The following ADARB2 variants were observed in gnomAD, a reference collection of about 807,000 sequenced individuals.
ADARB2 encodes adenosine deaminase RNA specific B2 (inactive).
A neutral mutation model predicts 62.2 loss-of-function variants in ADARB2; 25 were observed. The ratio of observed to expected loss-of-function variants is 0.40; its 90% CI spans 0.29 to 0.56. The LOEUF is 0.56. Ranked by LOEUF, ADARB2 falls within the 20% of genes least tolerant of loss-of-function variation. The pLI, the probability that ADARB2 is intolerant of heterozygous loss-of-function variation, is 0.43. For missense variants in ADARB2, 1,071 were observed against 1,077.4 expected (o/e 0.99, Z 0.08); for synonymous variants, 572 against 500.8 (o/e 1.14, Z -1.90).
chr10:1,339,993 C>G (rs978234654), intron 3 of ADARB2, among the ~76,000 whole-genome samples: 5 of 152,110 alleles, frequency 3.3e-5, no homozygotes, highest in Non-Finnish European at 7.4e-5. Flanking sequence ...ACATGCCACA[C>G]CTGTGATTAT....
intron 1 of ADARB2, among the ~76,000 whole-genome samples, chr10:1,577,735 G>A (rs1320320237): frequency 6.6e-6 from 1 of 152,226 alleles, no homozygotes; most frequent in Non-Finnish European, 1.5e-5. Context: ...TGCTGCATGT[G>A]AGCTGTGTCC....
intron 1 of ADARB2, among the ~76,000 whole-genome samples, chr10:1,508,868 G>A (rs1045513010): frequency 1.3e-5 from 2 of 152,232 alleles, no homozygotes; most frequent in Non-Finnish European, 2.9e-5. Context: ...TTGGAAGGCT[G>A]CAGAGCTCCT....
chr10:1,207,075 G>A (rs1043839573), intron 7 of ADARB2, among the ~76,000 whole-genome samples: 17 of 152,292 alleles, frequency 1.1e-4, no homozygotes, highest in African/African-American at 3.6e-4. Context: ...GGCCGGGCGC[G>A]GTGGCTCACC....
intron 1 of ADARB2, among the ~76,000 whole-genome samples, chr10:1,470,446 G>A (rs570636875): frequency 4.5e-4 from 68 of 152,254 alleles, no homozygotes; most frequent in African/African-American, 1.3e-3. Flanking sequence ...CCACGAAATC[G>A]CTGAAAATGT....
chr10:1,244,888 C>T (rs536526277), intron 4 of ADARB2, among the ~76,000 whole-genome samples: 10 of 152,298 alleles, frequency 6.6e-5, no homozygotes, highest in Non-Finnish European at 1.3e-4. Context: ...TCTGCGTATT[C>T]TACGGGCCGT....
chr10:1,650,086 T>C (rs552095575), intron 1 of ADARB2, among the ~76,000 whole-genome samples: 1 of 152,324 alleles, frequency 6.6e-6, no homozygotes, highest in South Asian at 2.1e-4. Context: ...GCTCTTGCTG[T>C]TGTTCCCCAT....
At chr10:1,733,079 G>A (rs939087050) in intron 1 of ADARB2, among the ~76,000 whole-genome samples, 2 of 152,166 alleles carry the variant, frequency 1.3e-5, no homozygotes, top group East Asian at 1.9e-4. Flanking sequence ...GCCTCAAAGA[G>A]GTGTCCTGTG....
At chr10:1,360,188 G>A (rs914186601) in intron 3 of ADARB2, among the ~76,000 whole-genome samples, 7 of 152,258 alleles carry the variant, frequency 4.6e-5, no homozygotes. Flanking sequence ...AGACTGCATC[G>A]TCCCAGCAGG....
chr10:1,229,647 C>T (rs974158350), intron 6 of ADARB2, among the ~76,000 whole-genome samples: 11 of 21,752 alleles, frequency 5.1e-4, no homozygotes, highest in African/African-American at 9.7e-4. Flanking sequence ...AGATACGTGT[C>T]GTGTGCTTGT....
chr10:1,235,569 C>CCTGCCTCCCGGTGTTCACTCCCCT (rs1830862285), intron 5 of ADARB2, among the ~76,000 whole-genome samples: 1 of 14,180 alleles, frequency 7.1e-5, no homozygotes, highest in Non-Finnish European at 1.4e-4. Context: ...TTTACTCCCC[C>CCTGCCTCCCGGTGTTCACTCCCCT]CTGCCTCCCG....
intron 3 of ADARB2, among the ~76,000 whole-genome samples, chr10:1,337,059 T>C (rs1360917525): frequency 1.9e-5 from 2 of 106,458 alleles, no homozygotes; most frequent in Non-Finnish European, 2.0e-5. Context: ...TACTTAAAGA[T>C]TTCTGTGTGT....
intron 3 of ADARB2, chr10:1,293,043 T>C (rs61832021): frequency 0.42 from 16,592 of 39,438 alleles, 2,780 homozygotes; most frequent in East Asian, 0.72. Context: ...CAGGAAGAGA[T>C]GCAGAGGGAG....
chr10:1,728,345 ATT>A (rs1222498746), intron 1 of ADARB2, among the ~76,000 whole-genome samples: 1 of 152,186 alleles, frequency 6.6e-6, no homozygotes, highest in Non-Finnish European at 1.5e-5. Flanking sequence ...CTCCCAAAGA[ATT>A]TGTGCTCTCA....
At chr10:1,681,379 G>T (rs767545653) in intron 1 of ADARB2, among the ~76,000 whole-genome samples, 2 of 152,046 alleles carry the variant, frequency 1.3e-5, no homozygotes, top group Non-Finnish European at 2.9e-5. Context: ...ACTTGTGGAA[G>T]AAAGTTCTCA....
chr10:1,540,507 C>A (rs1832405479), intron 1 of ADARB2, among the ~76,000 whole-genome samples: 1 of 118,838 alleles, frequency 8.4e-6, no homozygotes. Context: ...TGGATCACAG[C>A]CGCCCAGACC....
At chr10:1,393,569 A>T (rs1832587711) in intron 1 of ADARB2, among the ~76,000 whole-genome samples, 1 of 152,202 alleles carries the variant, frequency 6.6e-6, no homozygotes, top group Non-Finnish European at 1.5e-5. Context: ...CCTCAAAGCC[A>T]GGGCACTGGG....
intron 4 of ADARB2, among the ~76,000 whole-genome samples, chr10:1,244,234 G>A (rs892579745): frequency 2.6e-5 from 4 of 152,246 alleles, no homozygotes; most frequent in Non-Finnish European, 4.4e-5. Flanking sequence ...GTTGAGAAAT[G>A]GTTCACAAGG....
chr10:1,328,474 C>T (rs1324436035), intron 3 of ADARB2, among the ~76,000 whole-genome samples: 2 of 152,168 alleles, frequency 1.3e-5, no homozygotes, highest in Non-Finnish European at 2.9e-5. Context: ...AACCACGTAA[C>T]GTTCAGTTAT....
chr10:1,254,114 CTGGTTAGGATGCAGTGGATTCCG>C (rs1831059868), intron 4 of ADARB2, among the ~76,000 whole-genome samples: 2 of 149,736 alleles, frequency 1.3e-5, no homozygotes, highest in African/African-American at 2.5e-5. Flanking sequence ...GCAGTTGACT[CTGGTTAGGATGCAGTGGATTCCG>C]TGGTTAGAAT....
Sources: gnomAD v4.1 joint callset for allele counts (sites outside exome capture counted in the v4.1 genomes callset) on GRCh38, gnomAD v4.1.1 for gene constraint, MANE v1.5 for transcripts, NCBI Gene and HGNC (gene_info 2026-07-23, HGNC 2026-07-21) for gene names.